RAB3IL1: variants seen among roughly 807,000 people sequenced by gnomAD.
RAB3IL1 encodes guanine nucleotide exchange factor for Rab-3A.
Under a neutral mutation model 49.2 loss-of-function variants are expected in RAB3IL1, and 37 were observed. That is an observed-to-expected ratio of 0.75 (90% CI 0.58 to 0.99). RAB3IL1 has a LOEUF of 0.99. Ranked by LOEUF, RAB3IL1 falls within the 50% of genes least tolerant of loss-of-function variation. The pLI is 0.00. For missense variants in RAB3IL1, 484 were observed against 513.0 expected (o/e 0.94, Z 0.55); for synonymous variants, 193 against 213.9 (o/e 0.90, Z 0.85).
the RAB3IL1 span, among the ~76,000 whole-genome samples, chr11:61,941,859 C>G: frequency 6.6e-6 from 1 of 152,158 alleles, no homozygotes; most frequent in Non-Finnish European, 1.5e-5. Flanking sequence ...AAAGATTATA[C>G]ATCGTGTCCA....
At chr11:61,931,239 C>T in the RAB3IL1 span, among the ~76,000 whole-genome samples, 2 of 152,174 alleles carry the variant, frequency 1.3e-5, no homozygotes, top group Admixed American at 6.5e-5. Context: ...AACAGAAGGT[C>T]TTTGGGCCAG....
the RAB3IL1 span, among the ~76,000 whole-genome samples, chr11:61,932,780 T>G: frequency 6.7e-6 from 1 of 149,630 alleles, no homozygotes; most frequent in Non-Finnish European, 1.5e-5. Context: ...TTTTTTTTTT[T>G]TTTTTTTTTG....
chr11:61,920,994 T>C (rs1002568080), upstream of RAB3IL1, among the ~76,000 whole-genome samples: 1 of 152,250 alleles, frequency 6.6e-6, no homozygotes, highest in African/African-American at 2.4e-5. Context: ...TTCTTTTTCT[T>C]AGATTTGAGA....
rs1938756931 is a variant in RAB3IL1 at position 61,898,994 on chromosome 11, G to A, written c.1066+320C>T. The A allele has an allele frequency of 3.8e-6, 2 of 525,522 alleles. No individual in the cohort carries two copies. Among genetic ancestry groups the A allele is most frequent in the Admixed American group, 2.3e-5 (1 of 44,080 alleles). The allele number at this position is 525,522 out of a possible 1,614,324, so 32.6% of individuals were successfully genotyped here. A position where few individuals can be genotyped will look rare whatever the true frequency, so the allele number is the denominator to read the frequency against. ...ATGGAGTGGAGTGGGAGCAAAGGCT[G>A]GAGGTGGGTGACCCTGTGTTCAGGT... On this transcript the variant is annotated intron_variant, in intron 9 of 9. Transcript: ENST00000394836. This position sits in a 1 kb window ranked among gnomAD's most constrained non-coding sequence, Gnocchi z 5.1.
In RAB3IL1 at chr11:61,906,679, G is replaced by A. The variant is rs1219907302; in HGVS notation, c.444C>T (p.Asp148=). ...KQLKEARGKI[D]MLQAEVTALK... ...AGGCTGTCACCTCTGCCTGCAGCAT[G>A]TCGATCTGCATGGGATGGGATGGCT... is the stretch of plus-strand genomic sequence containing the variant. Residue 148 remains aspartate, a synonymous_variant, in exon 5 of 10, where the codon GAC becomes GAT. Coordinates refer to ENST00000394836, the MANE Select transcript of RAB3IL1 (RefSeq NM_013401.4). The surrounding 1 kb of genome is among the most constrained non-coding windows in gnomAD (Gnocchi z 4.6). 1 of 1,607,412 alleles carries A rather than the reference G, an allele frequency of 6.2e-7. No homozygotes were observed. Among genetic ancestry groups the A allele is most frequent in the South Asian group, 1.1e-5 (1 of 89,648 alleles).
the RAB3IL1 span, among the ~76,000 whole-genome samples, chr11:61,939,573 A>G: frequency 8.0e-3 from 1,211 of 152,180 alleles, 16 homozygotes; most frequent in African/African-American, 0.027. Flanking sequence ...GAATCAATGA[A>G]AACAAAAGTT....
chr11:61,935,131 C>T, the RAB3IL1 span, among the ~76,000 whole-genome samples: 76,338 of 151,918 alleles, frequency 0.5, 20,072 homozygotes, highest in East Asian at 0.87. Flanking sequence ...AAAAAATAAA[C>T]TAATAGAAAC....
the RAB3IL1 span, chr11:61,945,679 A>G: frequency 8.3e-6 from 7 of 845,092 alleles, no homozygotes; most frequent in Non-Finnish European, 1.0e-5. Flanking sequence ...AGCCTGACCC[A>G]TGATGTCCTT....
the RAB3IL1 span, among the ~76,000 whole-genome samples, chr11:61,927,279 A>C: frequency 1.3e-5 from 2 of 151,952 alleles, no homozygotes; most frequent in African/African-American, 4.8e-5. Context: ...TCAGAAGGAG[A>C]TGCTGGTGCC....
At chr11:61,945,630 C>T in the RAB3IL1 span, 3 of 448,930 alleles carry the variant, frequency 6.7e-6, no homozygotes, top group African/African-American at 2.1e-5. Flanking sequence ...GGGTGTGAAC[C>T]TTTGACAGCA....
the RAB3IL1 span, among the ~76,000 whole-genome samples, chr11:61,930,337 G>A: frequency 6.6e-6 from 1 of 152,162 alleles, no homozygotes; most frequent in African/African-American, 2.4e-5. Flanking sequence ...ACAACAATGG[G>A]AATGTAATTA....
At chr11:61,913,581 G>C (rs1339440241) in intron 1 of RAB3IL1, among the ~76,000 whole-genome samples, 1 of 152,190 alleles carries the variant, frequency 6.6e-6, no homozygotes, top group Non-Finnish European at 1.5e-5. Flanking sequence ...CTCCATGGGA[G>C]CCAGCACAGG....
the RAB3IL1 span, among the ~76,000 whole-genome samples, chr11:61,930,104 C>T: frequency 2.0e-5 from 3 of 152,018 alleles, no homozygotes; most frequent in South Asian, 6.2e-4. Flanking sequence ...CCACGTTGCC[C>T]AGGCTGGTCT....
At chr11:61,944,150 G>T in the RAB3IL1 span, among the ~76,000 whole-genome samples, 3 of 150,972 alleles carry the variant, frequency 2.0e-5, no homozygotes, top group Non-Finnish European at 2.9e-5. Context: ...TAAAAAAGAC[G>T]ACCTACAGAA....
At position 61,906,319 on chromosome 11, in the gene RAB3IL1, C is replaced by T. The variant is rs1164133162; in HGVS notation, c.657+147G>A. The T allele has an allele frequency of 3.9e-6, 3 of 760,564 alleles. No homozygotes were observed. The highest frequency in any genetic ancestry group is 2.3e-5 in the Admixed American group (1 of 43,506). The allele number at this position is 760,564 out of a possible 1,614,324, so 47.1% of individuals were successfully genotyped here. On this transcript the variant is annotated intron_variant, in intron 5 of 9. Transcript: ENST00000394836. The surrounding 1 kb of genome is among the most constrained non-coding windows in gnomAD (Gnocchi z 4.6). Reference sequence around the variant, plus strand: ...ATCACAGGAGGTTGGAGAGAAAGGACCTGCCCAGCCCTCACATCCCAGAGA... The same window carrying T: ...ATCACAGGAGGTTGGAGAGAAAGGATCTGCCCAGCCCTCACATCCCAGAGA...
Position 61,902,495 on chromosome 11 carries a change from G to T in RAB3IL1, c.946C>A (p.Arg316=), listed in dbSNP as rs148671281. The T allele has an allele frequency of 3.7e-6, 6 of 1,604,566 alleles. No individual in the cohort carries two copies. In the Admixed American group the frequency reaches 1.0e-4, roughly 28 times the overall value. ...TAATGGCTTTTGGAGTCCCCGAGCC[G>T]GATTCGGTGGCGGCAGGTGCGGGTC... ...GLTRTCRHRI[R]LGDSKSHYYI... The change falls in exon 8 of 10, where the codon CGG becomes AGG. Residue 316 remains arginine (R), a synonymous_variant. Transcript: ENST00000394836.
chr11:61,902,614 A>T, intron 7 of RAB3IL1, 73 bp from the exon 8 acceptor site: 1 of 1,326,562 alleles, frequency 7.5e-7, no homozygotes, highest in Non-Finnish European at 1.1e-6. Flanking sequence ...CATACAGGGA[A>T]GATGCAGCAG....
upstream of RAB3IL1, among the ~76,000 whole-genome samples, chr11:61,922,438 C>T (rs1939929627): frequency 6.6e-6 from 1 of 152,020 alleles, no homozygotes; most frequent in African/African-American, 2.4e-5. Flanking sequence ...AGGAGAATCG[C>T]TTGAACCCAG....
chr11:61,943,639 G>GA, the RAB3IL1 span, among the ~76,000 whole-genome samples: 1 of 151,972 alleles, frequency 6.6e-6, no homozygotes, highest in African/African-American at 2.4e-5. Context: ...CAATCCAACT[G>GA]AAAAAATGGG....
Sources: gnomAD v4.1 joint callset for allele counts (sites outside exome capture counted in the v4.1 genomes callset) on GRCh38, gnomAD v4.1.1 for gene constraint, Gnocchi (gnomAD v3.1) non-coding constraint, MANE v1.5 for transcripts, NCBI Gene and HGNC (gene_info 2026-07-23, HGNC 2026-07-21) for gene names.